Variants in SSUH2 observed in about 807,000 individuals in gnomAD.
SSUH2 encodes the protein protein SSUH2 homolog.
Under a neutral mutation model 55.3 loss-of-function variants are expected in SSUH2, and 47 were observed. That is an observed-to-expected ratio of 0.85 (90% CI 0.67 to 1.08). The LOEUF (loss-of-function observed/expected upper bound fraction) is 1.08. Among genes scored for constraint, SSUH2 ranks in the 50% least tolerant of loss-of-function variants. The pLI, the probability that SSUH2 is intolerant of heterozygous loss-of-function variation, is 0.00. For missense variants in SSUH2, 535 were observed against 490.7 expected, an observed-to-expected ratio of 1.09 and a Z score of -0.85; for synonymous variants, 212 against 191.5, an observed-to-expected ratio of 1.11 and a Z score of -0.89.
exon 4 of SSUH2, chr3:8,671,981 T>C (rs1410111950): frequency 6.6e-6 from 1 of 152,120 alleles, no homozygotes; most frequent in Non-Finnish European, 1.5e-5. Context: ...ACCAACTATA[T>C]TATAGACGGG....
intron 6 of SSUH2, among the ~76,000 whole-genome samples, chr3:8,663,524 G>A (rs1036074918): frequency 1.1e-4 from 16 of 152,052 alleles, no homozygotes; most frequent in African/African-American, 3.4e-4. Flanking sequence ...TTAAGAAGGC[G>A]TGGTTGGCAG....
chr3:8,677,257 A>C (rs1705483951), exon 3 of SSUH2: 1 of 151,788 alleles, frequency 6.6e-6, no homozygotes, highest in Non-Finnish European at 1.5e-5. Context: ...GAGCTGCCGA[A>C]GGCAGGTACC....
chr3:8,673,641 A>C (rs929768761), intron 3 of SSUH2, among the ~76,000 whole-genome samples: 3 of 152,234 alleles, frequency 2.0e-5, no homozygotes, highest in African/African-American at 7.2e-5. Context: ...CAGAGATGAA[A>C]GGCAAAAGGC....
chr3:8,657,069 G>C (rs1414912491), intron 7 of SSUH2, among the ~76,000 whole-genome samples: 1 of 152,224 alleles, frequency 6.6e-6, no homozygotes, highest in South Asian at 2.1e-4. Flanking sequence ...TTAGTAGAGA[G>C]AGGGTTTTGC....
At chr3:8,626,413 T>C (rs1697536975) in intron 8 of SSUH2, 92 bp from the exon 9 acceptor site, 2 of 899,952 alleles carry the variant, frequency 2.2e-6, no homozygotes, top group Non-Finnish European at 3.7e-6. Context: ...CTCCTGGAGG[T>C]AGACTGTGGT....
rs561410251 is a variant in SSUH2 at position 8,622,916 on chromosome 3, G to C, written c.981+633C>G. Reference sequence around the variant, plus strand: ...AGGATCATGTTGGGATGCAGGAAACGCAGGATCTCAGCCCAGTCTGCAAGG... The same window carrying C: ...AGGATCATGTTGGGATGCAGGAAACCCAGGATCTCAGCCCAGTCTGCAAGG... On this transcript the variant is annotated intron_variant, in intron 11 of 11. Coordinates refer to ENST00000544814, the MANE Select transcript of SSUH2 (RefSeq NM_001256748.3). Among the ~76,000 whole-genome samples the C allele has an allele frequency of 3.1e-4, 47 of 152,262 alleles. No homozygotes were observed. In the East Asian group the frequency reaches 7.5e-3, roughly 24 times the overall value.
intron 1 of SSUH2, among the ~76,000 whole-genome samples, chr3:8,643,781 A>T (rs1034600010): frequency 6.6e-6 from 1 of 152,306 alleles, no homozygotes; most frequent in South Asian, 2.1e-4. Flanking sequence ...CTCTCTCTAC[A>T]TCTCCCAAAA....
upstream of SSUH2, among the ~76,000 whole-genome samples, chr3:8,648,158 G>A (rs376996606): frequency 2.0e-4 from 31 of 152,136 alleles, 1 homozygote; most frequent in Non-Finnish European, 7.4e-5. Flanking sequence ...CAACAACTCC[G>A]TAAGATAGAT....
intron 1 of SSUH2, among the ~76,000 whole-genome samples, chr3:8,638,713 G>A (rs1189659618): frequency 1.3e-5 from 2 of 152,190 alleles, no homozygotes; most frequent in Admixed American, 6.5e-5. Flanking sequence ...ACAAAACCCA[G>A]TCACTGCCTC....
chr3:8,668,096 G>A (rs1014362835), intron 5 of SSUH2, among the ~76,000 whole-genome samples: 35 of 151,862 alleles, frequency 2.3e-4, no homozygotes, highest in African/African-American at 7.7e-4. Flanking sequence ...GTGAAGCACC[G>A]AGAGAATCTG....
rs1424333269 is a variant in SSUH2 at position 8,657,961 on chromosome 3, TC to T, written c.-307+963del. Among the ~76,000 whole-genome samples, 5 of 152,220 alleles carry T rather than the reference TC, an allele frequency of 3.3e-5. No individual in the cohort carries two copies. In the South Asian group the frequency reaches 1.0e-3, roughly 31 times the overall value. ...ATGGGCAGGACCGTAGGCACCCTTC[TC>T]CCCACGACAACTCCAAGGCTGGCCC... On this transcript the variant is annotated intron_variant, in intron 7 of 18. Coordinates refer to the SSUH2 transcript ENST00000317371.
chr3:8,619,966 G>A lies in SSUH2; in HGVS notation c.1030C>T (p.Gln344Ter). 1 of 1,614,116 alleles carries A rather than the reference G, an allele frequency of 6.2e-7. No individual in the cohort carries two copies. The highest frequency in any genetic ancestry group is 1.1e-5 in the South Asian group (1 of 91,068). ...IPLTEVHYWY[Q>*]GKTYVYYIYG... Reference sequence around the variant, plus strand: ...ATGTAGTAGACATAAGTCTTTCCTTGGTACCAATAGTGAACTTCTGTGAGG... The same window carrying A: ...ATGTAGTAGACATAAGTCTTTCCTTAGTACCAATAGTGAACTTCTGTGAGG... The change falls in exon 12 of 12, where the codon CAA (glutamine) becomes TAA (stop). Residue 344 changes from glutamine (Q) to a stop codon, truncating the protein, a stop_gained. Coordinates refer to ENST00000544814, the MANE Select transcript of SSUH2 (RefSeq NM_001256748.3). LOFTEE classifies it high-confidence loss of function.
At chr3:8,625,171 G>C (rs942796828) in intron 10 of SSUH2, among the ~76,000 whole-genome samples, 1 of 151,974 alleles carries the variant, frequency 6.6e-6, no homozygotes, top group Non-Finnish European at 1.5e-5. Flanking sequence ...GCCAAGAATA[G>C]TGCCTGATAT....
chr3:8,637,988 A>G (rs1046037026), intron 1 of SSUH2, among the ~76,000 whole-genome samples: 1 of 152,232 alleles, frequency 6.6e-6, no homozygotes, highest in Non-Finnish European at 1.5e-5. Flanking sequence ...CTTCGTTCCA[A>G]GAAAACTTCA....
intron 6 of SSUH2, among the ~76,000 whole-genome samples, chr3:8,662,788 C>T (rs1703626901): frequency 6.6e-6 from 1 of 152,208 alleles, no homozygotes; most frequent in Non-Finnish European, 1.5e-5. Flanking sequence ...TGACTCTGGT[C>T]TTCATCCCAA....
In SSUH2 at chr3:8,681,082, AGGGGGGAGAGGCACCCCCGCGAGGCG is replaced by A. The variant is rs1705903982; in HGVS notation, c.-1046+783_-1046+808del. On this transcript the variant is annotated intron_variant, in intron 1 of 18. Coordinates refer to the SSUH2 transcript ENST00000317371. ...CGCTGGCTCTTAGGACTTCCATAGC[AGGGGGGAGAGGCACCCCCGCGAGGCG>A]GGTTCTGAGAGCCAGCCCCTCTTCC... 4.0e-5 allele frequency among the ~76,000 whole-genome samples: 4 copies of A among 99,582 alleles called. No homozygotes were observed. The Admixed American group carries it at 4.8e-4, about 12-fold the overall frequency. 65.3% of individuals were successfully genotyped at this position (99,582 alleles called of 152,430 possible). A position where few individuals can be genotyped will look rare whatever the true frequency, so the allele number is the denominator to read the frequency against.
intron 7 of SSUH2, among the ~76,000 whole-genome samples, chr3:8,650,551 A>G (rs1575276928): frequency 6.6e-6 from 1 of 152,218 alleles, no homozygotes; most frequent in East Asian, 1.9e-4. Context: ...CTGATAGAAG[A>G]AAAAAGAAGG....
At position 8,635,802 on chromosome 3, in the gene SSUH2, G is replaced by A. The variant is rs1036269992; in HGVS notation, c.84C>T (p.Leu28=). The A allele has an allele frequency of 2.0e-6, 3 of 1,535,960 alleles. No homozygotes were observed. The highest frequency in any genetic ancestry group is 2.7e-5 in the African/African-American group (2 of 73,040). The change falls in exon 2 of 12, where the codon CTC becomes CTT. Residue 28 remains leucine, a synonymous_variant. Coordinates refer to ENST00000544814, the MANE Select transcript of SSUH2 (RefSeq NM_001256748.3). ...AESPLAPPTE[L]LERLPSYDWL... Reference sequence around the variant, plus strand: ...AGTCATAGCTGGGCAGTCTCTCCAGGAGCTCTGTGGGGGGCGCCAGAGGAC... The same window carrying A: ...AGTCATAGCTGGGCAGTCTCTCCAGAAGCTCTGTGGGGGGCGCCAGAGGAC...
At chr3:8,675,692 C>A (rs187731188) in intron 3 of SSUH2, among the ~76,000 whole-genome samples, 34 of 152,196 alleles carry the variant, frequency 2.2e-4, no homozygotes, top group Admixed American at 6.5e-4. Context: ...GACTGTGGAT[C>A]CCAAACTTTG....
Sources: gnomAD v4.1 joint callset for allele counts (sites outside exome capture counted in the v4.1 genomes callset) on GRCh38, gnomAD v4.1.1 for gene constraint, MANE v1.5 for transcripts, NCBI Gene and HGNC (gene_info 2026-07-23, HGNC 2026-07-21) for gene names.